DNPEP: variants seen among roughly 807,000 people sequenced by gnomAD.
The protein encoded by DNPEP is aspartyl aminopeptidase.
Under a neutral mutation model 59.1 loss-of-function variants are expected in DNPEP, and 46 were observed. The observed-to-expected ratio is 0.78, with a 90% CI of 0.61 to 0.99. The LOEUF (loss-of-function observed/expected upper bound fraction) is 0.99. DNPEP is among the 50% of genes least tolerant of loss of function. DNPEP has a pLI of 0.00. For missense variants in DNPEP, 617 were observed against 649.9 expected (o/e 0.95, Z 0.55); for synonymous variants, 229 against 242.2 (o/e 0.95, Z 0.50).
Position 219,372,794 on chromosome 2 carries a change from C to T in DNPEP, c.*1498G>A, listed in dbSNP as rs1953231625. Among the ~76,000 whole-genome samples the T allele has an allele frequency of 6.6e-6, 1 of 152,206 alleles. No individual in the cohort carries two copies. Among genetic ancestry groups the T allele is most frequent in the Non-Finnish European group, 1.5e-5 (1 of 68,046 alleles). On this transcript the variant is annotated 3_prime_UTR_variant, in exon 15 of 15. Coordinates refer to ENST00000273075, the MANE Select transcript of DNPEP (RefSeq NM_012100.4). ...ATACAATTTATCTTTTTCTCAATAG[C>T]TACCTATAATGGACATTTCATAGTG...
At chr2:219,395,511 C>T (rs1213440035) in intron 1 of DNPEP, among the ~76,000 whole-genome samples, 1 of 152,202 alleles carries the variant, frequency 6.6e-6, no homozygotes, top group Admixed American at 6.5e-5. Flanking sequence ...TTTCTTAGCT[C>T]AGAACTCCAA....
chr2:219,372,043 T>C lies in DNPEP; in HGVS notation c.*2249A>G, dbSNP rs907109184. ...CAAGGCAAATGTACAATGATATATG[T>C]ACATTTATCTCAATGTTATTTAGAG... On this transcript the variant is annotated 3_prime_UTR_variant, in exon 15 of 15. Coordinates refer to ENST00000273075, the MANE Select transcript of DNPEP (RefSeq NM_012100.4). 1.3e-5 allele frequency among the ~76,000 whole-genome samples: 2 copies of C among 152,220 alleles called. No individual in the cohort carries two copies. Among genetic ancestry groups the C allele is most frequent in the Non-Finnish European group, 2.9e-5 (2 of 68,042 alleles).
At chr2:219,378,350 C>T (rs1953454216) in intron 13 of DNPEP, among the ~76,000 whole-genome samples, 1 of 152,192 alleles carries the variant, frequency 6.6e-6, no homozygotes, top group Admixed American at 6.6e-5. Context: ...CATTCCTGGC[C>T]CCCCTTGGGG....
At chr2:219,377,070 T>G (rs1218021636) in intron 13 of DNPEP, among the ~76,000 whole-genome samples, 1 of 151,794 alleles carries the variant, frequency 6.6e-6, no homozygotes, top group Admixed American at 6.6e-5. Context: ...GGTCAGGAGT[T>G]CAAGACCAGT....
intron 1 of DNPEP, among the ~76,000 whole-genome samples, chr2:219,396,503 G>A (rs547066736): frequency 3.3e-5 from 5 of 151,844 alleles, no homozygotes; most frequent in African/African-American, 7.2e-5. Flanking sequence ...CAGGAGAATC[G>A]CATGAACTTG....
At chr2:219,387,987 A>G (rs1953927780), upstream of DNPEP, 1 of 1,072,434 alleles carries the variant, frequency 9.3e-7, no homozygotes, top group African/African-American at 4.3e-5. Context: ...CGCCCCGCCC[A>G]CCTCGGTCAG....
chr2:219,383,160 G>A lies in DNPEP; in HGVS notation c.907C>T (p.Arg303Cys), dbSNP rs771612801. Reference sequence around the variant, plus strand: ...TCGTTGTCATAGAGTGTGACCATGCGCACGTGAGGCTCTGTGGCCAGGGAG... The same window carrying A: ...TCGTTGTCATAGAGTGTGACCATGCACACGTGAGGCTCTGTGGCCAGGGAG... ...PGSLATEPHV[R>C]MVTLYDNEEV... The change falls in exon 10 of 15, where the codon CGC becomes TGC. Residue 303 changes from arginine (R) to cysteine (C), a missense_variant. Transcript: ENST00000273075. The A allele has an allele frequency of 7.4e-6, 12 of 1,614,172 alleles. No individual in the cohort carries two copies. The highest frequency in any genetic ancestry group is 3.3e-5 in the Admixed American group (2 of 60,026).
chr2:219,377,950 A>C (rs1953438412), intron 13 of DNPEP, among the ~76,000 whole-genome samples: 1 of 147,418 alleles, frequency 6.8e-6, no homozygotes, highest in Admixed American at 6.6e-5. Context: ...TAAAAAAAAA[A>C]ACCAAACTCA....
In DNPEP at chr2:219,387,131, C is replaced by T. The variant is rs1432344072; in HGVS notation, c.69G>A (p.Ala23=). Residue 23 remains alanine, a synonymous_variant, in exon 2 of 15, where the codon GCG becomes GCA. Coordinates refer to ENST00000273075, the MANE Select transcript of DNPEP (RefSeq NM_012100.4). The part of the protein sequence containing the change: ...VAMNGKARKE[A]VQTAAKELLK... ...GGAGTTCCTTAGCCGCAGTCTGCAC[C>T]GCCTCTTTGCGGGCCTTACCGTTCA... is the stretch of plus-strand genomic sequence containing the variant. The T allele has an allele frequency of 1.1e-5, 18 of 1,567,570 alleles. No individual in the cohort carries two copies. The highest frequency in any genetic ancestry group is 2.4e-5 in the East Asian group (1 of 42,524).
In DNPEP at chr2:219,373,225, C is replaced by T. The variant is rs547444597; in HGVS notation, c.*1067G>A. Among the ~76,000 whole-genome samples, 21 of 151,230 alleles carry T rather than the reference C, an allele frequency of 1.4e-4. No individual in the cohort carries two copies. Among genetic ancestry groups the T allele is most frequent in the Admixed American group, 8.6e-4 (13 of 15,168 alleles). Reference sequence around the variant, plus strand: ...CTGAGATTACAGGCATGTGCCACCACGCCCGGCTAATTTTGTATTTTTAGC... The same window carrying T: ...CTGAGATTACAGGCATGTGCCACCATGCCCGGCTAATTTTGTATTTTTAGC... On this transcript the variant is annotated 3_prime_UTR_variant, in exon 15 of 15. Transcript: ENST00000273075.
At chr2:219,383,093 C>A in intron 10 of DNPEP, 38 bp downstream of exon 10, 1 of 1,588,306 alleles carries the variant, frequency 6.3e-7, no homozygotes, top group Non-Finnish European at 8.6e-7. Flanking sequence ...CTGTGGAAGA[C>A]TCCGCAGAGG....
chr2:219,384,148 C>T (rs1953712417), intron 9 of DNPEP, among the ~76,000 whole-genome samples: 2 of 152,248 alleles, frequency 1.3e-5, no homozygotes, highest in South Asian at 4.1e-4. Context: ...CTTCTTCTTG[C>T]CTCAACACCC....
At chr2:219,396,063 T>C (rs1954091990) in intron 1 of DNPEP, among the ~76,000 whole-genome samples, 1 of 152,094 alleles carries the variant, frequency 6.6e-6, no homozygotes, top group Non-Finnish European at 1.5e-5. Context: ...TCAGGTGCCT[T>C]ATGCTGAGTG....
intron 9 of DNPEP, among the ~76,000 whole-genome samples, chr2:219,383,911 G>C (rs1163984854): frequency 6.6e-6 from 1 of 152,162 alleles, no homozygotes; most frequent in Non-Finnish European, 1.5e-5. Flanking sequence ...AGAAGGTGGG[G>C]AATATCAAGG....
At chr2:219,377,940 T>TAAA (rs199611865) in intron 13 of DNPEP, among the ~76,000 whole-genome samples, 1 of 134,820 alleles carries the variant, frequency 7.4e-6, no homozygotes, top group Non-Finnish European at 1.6e-5. Flanking sequence ...AAAAAAACAT[T>TAAA]AAAAAAAAAA....
At position 219,385,626 on chromosome 2, in the gene DNPEP, C is replaced by A; in HGVS notation, c.666+5G>T. The A allele has an allele frequency of 6.2e-7, 1 of 1,613,048 alleles. No homozygotes were observed. The highest frequency in any genetic ancestry group is 1.1e-5 in the South Asian group (1 of 90,776). The stretch of plus-strand genomic sequence containing the variant: ...GCCCTCCCCATGATCAGGAGACTCT[C>A]TTACCACAGCATTGAGAGGCCCTGG... On this transcript the variant is annotated splice_donor_5th_base_variant and intron_variant, in intron 7 of 14. Transcript: ENST00000273075.
chr2:219,399,725 T>G (rs1195173245), intron 1 of DNPEP: 2 of 677,468 alleles, frequency 3.0e-6, no homozygotes, highest in African/African-American at 3.6e-5. Context: ...TCTGGTTTGT[T>G]AGCAGACTGA....
chr2:219,386,845 G>A, intron 3 of DNPEP, 47 bp downstream of exon 3: 2 of 1,609,340 alleles, frequency 1.2e-6, no homozygotes, highest in Non-Finnish European at 1.7e-6. Flanking sequence ...AGGGCTTGGA[G>A]ACCAGCCTAG....
At chr2:219,377,524 A>G (rs1454205556) in intron 13 of DNPEP, among the ~76,000 whole-genome samples, 4 of 152,188 alleles carry the variant, frequency 2.6e-5, no homozygotes, top group African/African-American at 9.6e-5. Flanking sequence ...TGAGTTGGAT[A>G]CTAGGGTGGG....
Sources: gnomAD v4.1 joint callset for allele counts (sites outside exome capture counted in the v4.1 genomes callset) on GRCh38, gnomAD v4.1.1 for gene constraint, MANE v1.5 for transcripts, NCBI Gene and HGNC (gene_info 2026-07-23, HGNC 2026-07-21) for gene names.